Variants in FGF12 observed in about 807,000 individuals in gnomAD.
FGF12 encodes fibroblast growth factor 12, also known as fibroblast growth factor 12B.
Under a neutral mutation model 23.6 loss-of-function variants are expected in FGF12, and 14 were observed. The ratio of observed to expected loss-of-function variants is 0.59; its 90% CI spans 0.39 to 0.93. The LOEUF (loss-of-function observed/expected upper bound fraction) is 0.93. FGF12 is among the 40% of genes least tolerant of loss of function. The pLI, the probability that FGF12 is intolerant of heterozygous loss-of-function variation, is 0.00. For synonymous variants in FGF12, 62 were observed against 77.3 expected, an observed-to-expected ratio of 0.80 and a Z score of 1.04; for missense variants, 175 against 217.8, an observed-to-expected ratio of 0.80 and a Z score of 1.24.
At chr3:192,234,375 T>A (rs1005638911) in intron 4 of FGF12, among the ~76,000 whole-genome samples, 1 of 152,148 alleles carries the variant, frequency 6.6e-6, no homozygotes, top group Non-Finnish European at 1.5e-5. Flanking sequence ...CTAATTGTTG[T>A]ACATTTATTT....
intron 2 of FGF12, among the ~76,000 whole-genome samples, chr3:192,584,948 A>G (rs1713311510): frequency 6.6e-6 from 1 of 152,126 alleles, no homozygotes; most frequent in Non-Finnish European, 1.5e-5. Flanking sequence ...TCAATAGTGT[A>G]TGCCAGGCCC....
intron 4 of FGF12, among the ~76,000 whole-genome samples, chr3:192,285,763 A>G (rs1714413638): frequency 6.6e-6 from 1 of 152,084 alleles, no homozygotes. Flanking sequence ...TTCTTGCATG[A>G]AGTAAAAGAA....
intron 2 of FGF12, among the ~76,000 whole-genome samples, chr3:192,576,826 A>G (rs951180731): frequency 6.6e-6 from 1 of 152,180 alleles, no homozygotes; most frequent in Admixed American, 6.5e-5. Flanking sequence ...TCAGTGATAG[A>G]CTGGACAAAG....
intron 2 of FGF12, among the ~76,000 whole-genome samples, chr3:192,410,076 G>A (rs1401596243): frequency 6.6e-6 from 1 of 152,104 alleles, no homozygotes; most frequent in African/African-American, 2.4e-5. Flanking sequence ...CGAGATGGCA[G>A]GTGGGACGCA....
chr3:192,323,802 C>A (rs1716670839), intron 4 of FGF12, among the ~76,000 whole-genome samples: 2 of 152,072 alleles, frequency 1.3e-5, no homozygotes, highest in Admixed American at 1.3e-4. Flanking sequence ...ACTAAAATAT[C>A]TCATGTGGCA....
At chr3:192,421,130 C>T (rs1721514745) in intron 2 of FGF12, among the ~76,000 whole-genome samples, 1 of 152,088 alleles carries the variant, frequency 6.6e-6, no homozygotes, top group African/African-American at 2.4e-5. Flanking sequence ...TTAACTGACT[C>T]CATGCACAGT....
chr3:192,665,708 C>A (rs2108688103), intron 2 of FGF12, among the ~76,000 whole-genome samples: 1 of 152,120 alleles, frequency 6.6e-6, no homozygotes, highest in African/African-American at 2.4e-5. Flanking sequence ...ACAACCATGG[C>A]ACATGTATAC....
intron 2 of FGF12, among the ~76,000 whole-genome samples, chr3:192,513,981 A>G (rs1160344640): frequency 1.3e-5 from 2 of 152,200 alleles, no homozygotes; most frequent in Admixed American, 6.5e-5. Context: ...AATCACACTT[A>G]TTTGATATTA....
intron 2 of FGF12, among the ~76,000 whole-genome samples, chr3:192,658,094 G>A (rs1182691836): frequency 1.3e-5 from 2 of 151,598 alleles, no homozygotes; most frequent in Non-Finnish European, 2.9e-5. Context: ...AGTTTAACTA[G>A]GACAAAAATA....
chr3:192,467,921 C>A (rs1440829959), intron 2 of FGF12, among the ~76,000 whole-genome samples: 3 of 152,120 alleles, frequency 2.0e-5, no homozygotes, highest in African/African-American at 7.2e-5. Context: ...GCACAACAGG[C>A]CATATACATC....
chr3:192,489,367 T>C (rs1448105178), intron 2 of FGF12, among the ~76,000 whole-genome samples: 1 of 152,044 alleles, frequency 6.6e-6, no homozygotes, highest in Non-Finnish European at 1.5e-5. Flanking sequence ...ATGCCCCTAA[T>C]TCATTCTTCA....
At chr3:192,438,765 G>A (rs998513546) in intron 2 of FGF12, among the ~76,000 whole-genome samples, 3 of 152,068 alleles carry the variant, frequency 2.0e-5, no homozygotes, top group Non-Finnish European at 4.4e-5. Context: ...GTCTTTTGGT[G>A]TGACCAAGAA....
intron 4 of FGF12, among the ~76,000 whole-genome samples, chr3:192,257,414 C>T (rs1458535334): frequency 6.6e-6 from 1 of 152,100 alleles, no homozygotes; most frequent in Non-Finnish European, 1.5e-5. Flanking sequence ...AAGCTCTAAT[C>T]CCTATATCAG....
intron 4 of FGF12, among the ~76,000 whole-genome samples, chr3:192,187,369 CT>C (rs1312511891): frequency 9.9e-5 from 15 of 152,086 alleles, no homozygotes; most frequent in African/African-American, 3.4e-4. Flanking sequence ...TGCCTGCATT[CT>C]CAACTTCCAC....
chr3:192,597,643 C>G (rs1040294499), intron 2 of FGF12, among the ~76,000 whole-genome samples: 44 of 152,158 alleles, frequency 2.9e-4, no homozygotes, highest in African/African-American at 1.1e-3. Context: ...GAAAGAGTGG[C>G]TGTGTTGACT....
intron 2 of FGF12, among the ~76,000 whole-genome samples, chr3:192,510,030 CACAG>C: frequency 6.6e-6 from 1 of 152,268 alleles, no homozygotes; most frequent in East Asian, 1.9e-4. Flanking sequence ...GGCTCTTCAT[CACAG>C]ATACTCAGGT....
Position 192,289,615 on chromosome 3 carries a change from GA to G in FGF12, c.228+45745del, listed in dbSNP as rs569132055. Among the ~76,000 whole-genome samples the G allele has an allele frequency of 6.0e-3, 913 of 152,302 alleles. 8 individuals are homozygous for G. Among genetic ancestry groups the G allele is most frequent in the African/African-American group, 0.021 (861 of 41,566 alleles). On this transcript the variant is annotated intron_variant, in intron 4 of 5. Transcript: ENST00000445105. ...ACAGAAGAGAAGAGCAAACAATCCA[GA>G]GTGGGATTATCGACTGCATCTCTTA...
intron 4 of FGF12, among the ~76,000 whole-genome samples, chr3:192,233,361 T>A (rs1221603035): frequency 2.0e-5 from 3 of 152,230 alleles, no homozygotes; most frequent in Non-Finnish European, 4.4e-5. Context: ...TTTGGAAACG[T>A]GTCCATTTGT....
At chr3:192,635,165 T>A (rs1317513289) in intron 2 of FGF12, among the ~76,000 whole-genome samples, 3 of 152,206 alleles carry the variant, frequency 2.0e-5, no homozygotes. Flanking sequence ...TGACGGAGAA[T>A]AATTTTTAAA....
Sources: gnomAD v4.1 joint callset for allele counts (sites outside exome capture counted in the v4.1 genomes callset) on GRCh38, gnomAD v4.1.1 for gene constraint, MANE v1.5 for transcripts, NCBI Gene and HGNC (gene_info 2026-07-23, HGNC 2026-07-21) for gene names.